CFTR: variants seen among roughly 807,000 people sequenced by gnomAD.
The protein encoded by CFTR is CF transmembrane conductance regulator.
In CFTR, 181 loss-of-function variants were observed where a neutral mutation model predicts 171.6. That is an observed-to-expected ratio of 1.05 (90% CI 0.93 to 1.19). The LOEUF (loss-of-function observed/expected upper bound fraction) is 1.19, where lower values mean the gene tolerates loss of function less well. Ranked by LOEUF, CFTR falls within the 50% of genes most tolerant of loss-of-function variation. The pLI, the probability that CFTR is intolerant of heterozygous loss-of-function variation, is 0.00. For missense variants in CFTR, 1,968 were observed against 1,734.7 expected, an observed-to-expected ratio of 1.13 and a Z score of -2.39; for synonymous variants, 583 against 608.0, an observed-to-expected ratio of 0.96 and a Z score of 0.60.
intron 21 of CFTR, among the ~76,000 whole-genome samples, chr7:117,615,703 A>G (rs1440684442): frequency 1.3e-5 from 2 of 151,906 alleles, no homozygotes; most frequent in Non-Finnish European, 2.9e-5. Context: ...TGCTAATACC[A>G]TATCAGGGGC....
intron 11 of CFTR, among the ~76,000 whole-genome samples, chr7:117,565,081 A>G (rs1340972595): frequency 6.6e-6 from 1 of 152,198 alleles, no homozygotes; most frequent in Admixed American, 6.6e-5. Context: ...ATTTCTAGGC[A>G]AAGTGACACT....
chr7:117,553,901 G>A (rs1397926394), intron 10 of CFTR, among the ~76,000 whole-genome samples: 2 of 152,176 alleles, frequency 1.3e-5, no homozygotes, highest in Non-Finnish European at 2.9e-5. Context: ...AGTAGCAGGT[G>A]AAGCAAGTGC....
chr7:117,644,737 G>A (rs1792973839), intron 23 of CFTR, among the ~76,000 whole-genome samples: 1 of 152,090 alleles, frequency 6.6e-6, no homozygotes, highest in South Asian at 2.1e-4. Flanking sequence ...CCCTCCTGTA[G>A]CTAGACAGCA....
intron 14 of CFTR, among the ~76,000 whole-genome samples, chr7:117,593,886 G>A (rs561302003): frequency 6.6e-6 from 1 of 152,110 alleles, no homozygotes; most frequent in African/African-American, 2.4e-5. Context: ...GTGCCACCAC[G>A]TCCAGCCTGA....
At chr7:117,658,576 T>G (rs1291099347) in intron 24 of CFTR, among the ~76,000 whole-genome samples, 16 of 152,136 alleles carry the variant, frequency 1.1e-4, no homozygotes, top group Non-Finnish European at 8.8e-5. Context: ...AAAAGCACCT[T>G]ATGTCAATAA....
intron 20 of CFTR, among the ~76,000 whole-genome samples, 198 bp downstream of exon 20, chr7:117,612,006 G>GATATATATATATATATGTGTATATATAT (rs1792398091): frequency 1.3e-5 from 1 of 76,796 alleles, no homozygotes; most frequent in Non-Finnish European, 2.6e-5. Context: ...CTTGAAATCG[G>GATATATATATATATATGTGTATATATAT]ATATATATAT....
Position 117,605,446 on chromosome 7 carries a change from C to T in CFTR, c.2909-1228C>T, listed in dbSNP as rs141483337. The stretch of plus-strand genomic sequence containing the variant: ...ATACAAAATAAATGTGGCATGAACC[C>T]ACTGACCTCTAGCAATTTATAACCT... On this transcript the variant is annotated intron_variant, in intron 17 of 26. Coordinates refer to ENST00000003084, the MANE Select transcript of CFTR (RefSeq NM_000492.4). 2.0e-3 allele frequency among the ~76,000 whole-genome samples: 305 copies of T among 152,164 alleles called. 1 individual carries two copies. Among genetic ancestry groups the T allele is most frequent in the African/African-American group, 7.2e-3 (297 of 41,502 alleles).
intron 15 of CFTR, among the ~76,000 whole-genome samples, chr7:117,597,989 GGGAGGCTGAAT>G (rs1257557239): frequency 1.3e-5 from 2 of 152,156 alleles, no homozygotes; most frequent in African/African-American, 4.8e-5. Flanking sequence ...TGATGTGGCT[GGGAGGCTGAAT>G]GGAGAGCATT....
intron 11 of CFTR, among the ~76,000 whole-genome samples, chr7:117,569,230 A>C (rs1398187729): frequency 6.6e-6 from 1 of 152,148 alleles, no homozygotes; most frequent in African/African-American, 2.4e-5. Flanking sequence ...CAGAGAAAAG[A>C]GGGGCTGTGA....
intron 15 of CFTR, among the ~76,000 whole-genome samples, chr7:117,599,917 T>C (rs1307608886): frequency 2.6e-5 from 4 of 152,246 alleles, no homozygotes; most frequent in Non-Finnish European, 4.4e-5. Context: ...TTTAGTTCTT[T>C]TAAATCCAAT....
intron 11 of CFTR, among the ~76,000 whole-genome samples, chr7:117,580,329 A>G (rs1478906986): frequency 6.6e-6 from 1 of 152,094 alleles, no homozygotes; most frequent in Admixed American, 6.6e-5. Context: ...GAAAATACAA[A>G]TTAAAATGGC....
At chr7:117,628,745 T>C (rs1792693201) in intron 22 of CFTR, among the ~76,000 whole-genome samples, 1 of 152,142 alleles carries the variant, frequency 6.6e-6, no homozygotes, top group African/African-American at 2.4e-5. Flanking sequence ...ATTGTACAAA[T>C]TCTGTGAAAA....
intron 3 of CFTR, among the ~76,000 whole-genome samples, chr7:117,521,930 A>G (rs1798691438): frequency 6.6e-6 from 1 of 152,172 alleles, no homozygotes; most frequent in South Asian, 2.1e-4. Context: ...TTAGGTATGC[A>G]TTACAATTTT....
At chr7:117,640,013 AGC>A (rs1792887145) in intron 22 of CFTR, among the ~76,000 whole-genome samples, 1 of 152,142 alleles carries the variant, frequency 6.6e-6, no homozygotes, top group Non-Finnish European at 1.5e-5. Flanking sequence ...ATGCAATTAC[AGC>A]TAGCACCAAA....
intron 20 of CFTR, among the ~76,000 whole-genome samples, chr7:117,612,048 T>TATAC (rs1554392442): frequency 1.3e-5 from 1 of 74,138 alleles, no homozygotes; most frequent in Non-Finnish European, 2.8e-5. Flanking sequence ...TATATATATA[T>TATAC]ATATACATAT....
chr7:117,576,878 A>G (rs1791777624), intron 11 of CFTR, among the ~76,000 whole-genome samples: 1 of 151,006 alleles, frequency 6.6e-6, no homozygotes, highest in South Asian at 2.1e-4. Flanking sequence ...AAATACTTCC[A>G]CTCACTGCTT....
At chr7:117,541,537 T>A (rs1380290967) in intron 8 of CFTR, among the ~76,000 whole-genome samples, 1 of 152,220 alleles carries the variant, frequency 6.6e-6, no homozygotes, top group Non-Finnish European at 1.5e-5. Flanking sequence ...TCTTTTAGAA[T>A]CACAGTTTGA....
At position 117,494,495 on chromosome 7, in the gene CFTR, A is replaced by G. The variant is rs1454076598; in HGVS notation, c.54-9758A>G. Among the ~76,000 whole-genome samples, 3 of 152,264 alleles carry G rather than the reference A, an allele frequency of 2.0e-5. No homozygotes were observed. The East Asian group carries it at 5.8e-4, about 29-fold the overall frequency. Reference sequence around the variant, plus strand: ...GTCCCCAAAGAGAAATGTCACCTCCATCTTTCAATAAACACTTTAGCAAAG... The same window carrying G: ...GTCCCCAAAGAGAAATGTCACCTCCGTCTTTCAATAAACACTTTAGCAAAG... On this transcript the variant is annotated intron_variant, in intron 1 of 26. Coordinates refer to ENST00000003084, the MANE Select transcript of CFTR (RefSeq NM_000492.4).
intron 25 of CFTR, 140 bp downstream of exon 25, chr7:117,665,000 G>A (rs1793349840): frequency 3.2e-6 from 3 of 926,344 alleles, no homozygotes; most frequent in Non-Finnish European, 1.8e-6. Flanking sequence ...ATTGCCCAGT[G>A]GAAATGAGCA....
Sources: gnomAD v4.1 joint callset for allele counts (sites outside exome capture counted in the v4.1 genomes callset) on GRCh38, gnomAD v4.1.1 for gene constraint, MANE v1.5 for transcripts, NCBI Gene and HGNC (gene_info 2026-07-23, HGNC 2026-07-21) for gene names.